The following SH3GL2 variants were observed in gnomAD, a reference collection of about 807,000 sequenced individuals.
SH3GL2 encodes endophilin-A1.
A neutral mutation model predicts 46.0 loss-of-function variants in SH3GL2; 24 were observed. The observed-to-expected ratio is 0.52, with a 90% CI of 0.38 to 0.73. The LOEUF (loss-of-function observed/expected upper bound fraction) is 0.73, where lower values mean the gene tolerates loss of function less well. SH3GL2 is among the 30% of genes least tolerant of loss of function. The pLI, the probability that SH3GL2 is intolerant of heterozygous loss-of-function variation, is 0.00. For synonymous variants in SH3GL2, 196 were observed against 147.1 expected, an observed-to-expected ratio of 1.33 and a Z score of -2.40; for missense variants, 413 against 424.2, an observed-to-expected ratio of 0.97 and a Z score of 0.23.
chr9:17,639,456 T>C (rs973140703), intron 1 of SH3GL2, among the ~76,000 whole-genome samples: 1 of 152,164 alleles, frequency 6.6e-6, no homozygotes, highest in Non-Finnish European at 1.5e-5. Context: ...TTCAAGGAAA[T>C]GCATATTAAA....
intron 1 of SH3GL2, among the ~76,000 whole-genome samples, chr9:17,601,864 T>G (rs1394251194): frequency 6.6e-6 from 1 of 152,124 alleles, no homozygotes; most frequent in Non-Finnish European, 1.5e-5. Context: ...GTGGTGGGTT[T>G]GATGCTGCCA....
rs193245070 is a variant in SH3GL2, at chr9:17,647,819, T to C, written c.45+68532T>C. Among the ~76,000 whole-genome samples, 55 of 152,270 alleles carry C rather than the reference T, an allele frequency of 3.6e-4. 1 individual carries two copies. In the East Asian group the frequency reaches 0.011, roughly 29 times the overall value. On this transcript the variant is annotated intron_variant, in intron 1 of 8. Coordinates refer to ENST00000380607, the MANE Select transcript of SH3GL2 (RefSeq NM_003026.5). Reference sequence around the variant, plus strand: ...GTGAAAGTTGACAGCATTTTTACAGTTGAACTTTGAACAACACACGTTTGA... The same window carrying C: ...GTGAAAGTTGACAGCATTTTTACAGCTGAACTTTGAACAACACACGTTTGA...
intron 1 of SH3GL2, among the ~76,000 whole-genome samples, chr9:17,628,092 C>T (rs967092362): frequency 3.9e-5 from 6 of 152,148 alleles, no homozygotes; most frequent in South Asian, 2.1e-4. Context: ...ATATCTGAGA[C>T]GTGACTGTGA....
At chr9:17,639,157 A>G (rs528832419) in intron 1 of SH3GL2, among the ~76,000 whole-genome samples, 1 of 152,340 alleles carries the variant, frequency 6.6e-6, no homozygotes, top group South Asian at 2.1e-4. Flanking sequence ...GATTATGGAA[A>G]GATTTATTTT....
rs377311510 is a variant in SH3GL2, at chr9:17,787,561, A to G, written c.465+48A>G. On this transcript the variant is annotated intron_variant, in intron 5 of 8. Transcript: ENST00000380607. ...AAAGTGGGCAGTTGAAATCATACAG[A>G]TGCAGATGCCTTTTTTCTTTAGAAA... 2.1e-5 allele frequency: 32 copies of G among 1,500,200 alleles called. No individual in the cohort carries two copies. In the African/African-American group the frequency reaches 4.2e-4, roughly 19 times the overall value. 92.9% of individuals were successfully genotyped at this position (1,500,200 alleles called of 1,614,324 possible). A position where few individuals can be genotyped will look rare whatever the true frequency, so the allele number is the denominator to read the frequency against.
chr9:17,756,283 T>C (rs995958860), intron 2 of SH3GL2, among the ~76,000 whole-genome samples: 1 of 152,220 alleles, frequency 6.6e-6, no homozygotes, highest in Non-Finnish European at 1.5e-5. Flanking sequence ...AACATGCCTG[T>C]ATCTGTATAT....
At chr9:17,599,132 A>G (rs1246867701) in intron 1 of SH3GL2, among the ~76,000 whole-genome samples, 1 of 152,224 alleles carries the variant, frequency 6.6e-6, no homozygotes, top group Non-Finnish European at 1.5e-5. Flanking sequence ...CCTTTTTGTC[A>G]CATCTTAAAA....
intron 1 of SH3GL2, among the ~76,000 whole-genome samples, chr9:17,594,630 G>A (rs1160118839): frequency 2.6e-5 from 4 of 151,844 alleles, no homozygotes; most frequent in Non-Finnish European, 4.4e-5. Context: ...CATGTATCCT[G>A]GAACTTAAAG....
At chr9:17,726,422 A>G (rs1251697693) in intron 1 of SH3GL2, among the ~76,000 whole-genome samples, 4 of 152,164 alleles carry the variant, frequency 2.6e-5, no homozygotes, top group Non-Finnish European at 5.9e-5. Context: ...TTTTAAAGTG[A>G]TGTGTTGATT....
chr9:17,732,931 G>T (rs7850021), intron 1 of SH3GL2, among the ~76,000 whole-genome samples: 35,981 of 152,036 alleles, frequency 0.24, 4,765 homozygotes, highest in African/African-American at 0.34. Flanking sequence ...GGAATCAGGG[G>T]ACCTGGGTTT....
chr9:17,605,951 A>AT (rs1818752514), intron 1 of SH3GL2, among the ~76,000 whole-genome samples: 1 of 152,116 alleles, frequency 6.6e-6, no homozygotes, highest in South Asian at 2.1e-4. Context: ...TCAACACGTT[A>AT]TTTTTTGAAC....
At chr9:17,631,523 A>G (rs1463627483) in intron 1 of SH3GL2, among the ~76,000 whole-genome samples, 5 of 152,170 alleles carry the variant, frequency 3.3e-5, no homozygotes, top group African/African-American at 9.7e-5. Flanking sequence ...TAAGGACTCA[A>G]TTTGTAGGTA....
rs577022077 is a variant in SH3GL2, at chr9:17,761,369, T to G, written c.115-68T>G. 4.1e-5 allele frequency: 41 copies of G among 999,182 alleles called. No homozygotes were observed. The East Asian group carries it at 8.3e-4, about 20-fold the overall frequency. The allele number at this position is 999,182 out of a possible 1,614,324, so 61.9% of individuals were successfully genotyped here. A position where few individuals can be genotyped will look rare whatever the true frequency, so the allele number is the denominator to read the frequency against. On this transcript the variant is annotated intron_variant, in intron 2 of 8. Transcript: ENST00000380607. Reference sequence around the variant, plus strand: ...GCATACCCCGCCATTGTATACAGACTCAACCAAAAACCGGTATTCTAAAGC... The same window carrying G: ...GCATACCCCGCCATTGTATACAGACGCAACCAAAAACCGGTATTCTAAAGC...
intron 1 of SH3GL2, among the ~76,000 whole-genome samples, chr9:17,624,266 G>A (rs1819226071): frequency 6.6e-6 from 1 of 152,148 alleles, no homozygotes; most frequent in African/African-American, 2.4e-5. Flanking sequence ...TCACAGTGTT[G>A]TCTAGTTTCC....
At chr9:17,790,523 C>A (rs1169846755) in intron 6 of SH3GL2, 9 of 447,956 alleles carry the variant, frequency 2.0e-5, no homozygotes, top group Non-Finnish European at 2.7e-5. Flanking sequence ...GAGAGGAATA[C>A]TGTGTGCATG....
rs138414009 is a variant in SH3GL2, at chr9:17,762,689, C to T, written c.187+1180C>T. On this transcript the variant is annotated intron_variant, in intron 3 of 8. Transcript: ENST00000380607. The stretch of plus-strand genomic sequence containing the variant: ...TAAGCTATAGGAACCAGGAATTTAA[C>T]TGACAGTGGTCTAGATACATTTTCA... Among the ~76,000 whole-genome samples, 116 of 152,310 alleles carry T rather than the reference C, an allele frequency of 7.6e-4. 1 individual carries two copies. The highest frequency in any genetic ancestry group is 2.5e-3 in the African/African-American group (102 of 41,576).
intron 6 of SH3GL2, 131 bp from the exon 7 acceptor site, chr9:17,791,100 C>G: frequency 1.5e-6 from 1 of 657,002 alleles, no homozygotes; most frequent in Non-Finnish European, 2.8e-6. Flanking sequence ...GTTGGCTTAT[C>G]ACACAGTCAT....
At chr9:17,693,918 C>T (rs1443680021) in intron 1 of SH3GL2, among the ~76,000 whole-genome samples, 3 of 152,114 alleles carry the variant, frequency 2.0e-5, no homozygotes, top group African/African-American at 7.2e-5. Context: ...GAATTTATTA[C>T]TGAATGTATA....
intron 1 of SH3GL2, among the ~76,000 whole-genome samples, chr9:17,654,312 C>A (rs1820021729): frequency 6.6e-6 from 1 of 152,170 alleles, no homozygotes; most frequent in South Asian, 2.1e-4. Context: ...ATATTACCCT[C>A]TGGTTTTCTG....
Sources: allele counts gnomAD v4.1 joint callset (sites outside exome capture counted in the v4.1 genomes callset), GRCh38; gene constraint gnomAD v4.1.1; transcripts MANE v1.5; gene names NCBI Gene and HGNC (gene_info 2026-07-23, HGNC 2026-07-21).